Variants in ACER2 observed in about 807,000 individuals in gnomAD.
The protein encoded by ACER2 is alkCDase 2.
Under a neutral mutation model 34.7 loss-of-function variants are expected in ACER2, and 26 were observed. The observed-to-expected ratio is 0.75, with a 90% CI of 0.55 to 1.04. The LOEUF is 1.04. ACER2 is among the 50% of genes least tolerant of loss of function. ACER2 has a pLI of 0.00. For synonymous variants in ACER2, 138 were observed against 132.1 expected (o/e 1.04, Z -0.31); for missense variants, 352 against 340.8 (o/e 1.03, Z -0.26).
chr9:19,436,557 C>G (rs1221595046), intron 4 of ACER2, among the ~76,000 whole-genome samples: 2 of 22,002 alleles, frequency 9.1e-5, no homozygotes, highest in African/African-American at 2.1e-4. Flanking sequence ...AAAAATCTAG[C>G]TGTATTTTTT....
At chr9:19,449,559 C>A (rs943614819) in intron 5 of ACER2, among the ~76,000 whole-genome samples, 6 of 152,042 alleles carry the variant, frequency 3.9e-5, no homozygotes, top group African/African-American at 1.2e-4. Flanking sequence ...TTAAAAAGAT[C>A]CCCTCCTCCC....
intron 3 of ACER2, among the ~76,000 whole-genome samples, chr9:19,427,904 G>A (rs1830620426): frequency 6.6e-6 from 1 of 152,088 alleles, no homozygotes; most frequent in Non-Finnish European, 1.5e-5. Context: ...CTGCCCTTGT[G>A]ATCTGCCCAC....
chr9:19,419,613 A>T (rs1830341018), intron 1 of ACER2, among the ~76,000 whole-genome samples: 1 of 152,086 alleles, frequency 6.6e-6, no homozygotes, highest in South Asian at 2.1e-4. Flanking sequence ...TAAAAATACA[A>T]AAATTAGCCA....
chr9:19,446,133 C>A, intron 4 of ACER2, 148 bp from the exon 5 acceptor site: 1 of 1,106,122 alleles, frequency 9.0e-7, no homozygotes, highest in Non-Finnish European at 1.4e-6. Context: ...ATCCATGAGA[C>A]TGTGGAGTGA....
intron 1 of ACER2, among the ~76,000 whole-genome samples, chr9:19,413,378 C>T (rs943770777): frequency 1.3e-5 from 2 of 152,164 alleles, no homozygotes; most frequent in African/African-American, 4.8e-5. Flanking sequence ...GTGGGAGGAT[C>T]ACTTGAGGTC....
chr9:19,441,931 C>T (rs948509679), intron 4 of ACER2, among the ~76,000 whole-genome samples: 5 of 152,186 alleles, frequency 3.3e-5, no homozygotes, highest in African/African-American at 9.7e-5. Context: ...TCTCACTGCA[C>T]GCTAGTTTGC....
At position 19,409,076 on chromosome 9, in the gene ACER2, G is replaced by C; in HGVS notation, c.-9G>C. 3.2e-6 allele frequency: 5 copies of C among 1,573,104 alleles called. No homozygotes were observed. In the Admixed American group the frequency reaches 9.3e-5, roughly 29 times the overall value. ...GCGCGAGCAGCTGCTCCAATGCCCC[G>C]GAGTGGCCATGGGCGCCCCGCACTG... On this transcript the variant is annotated 5_prime_UTR_variant, in exon 1 of 6. Coordinates refer to ENST00000340967, the MANE Select transcript of ACER2 (RefSeq NM_001010887.3).
At chr9:19,413,686 C>T (rs1352844912) in intron 1 of ACER2, among the ~76,000 whole-genome samples, 1 of 151,998 alleles carries the variant, frequency 6.6e-6, no homozygotes, top group Admixed American at 6.6e-5. Flanking sequence ...CTGCCTTTTA[C>T]CTGAGCTTGG....
chr9:19,416,621 G>A (rs1830248083), intron 1 of ACER2, among the ~76,000 whole-genome samples: 1 of 151,954 alleles, frequency 6.6e-6, no homozygotes, highest in Non-Finnish European at 1.5e-5. Context: ...CGCCTCCCGG[G>A]TCCAAGTGAT....
At chr9:19,435,187 T>C in intron 4 of ACER2, 103 bp downstream of exon 4, 1 of 1,389,058 alleles carries the variant, frequency 7.2e-7, no homozygotes, top group Non-Finnish European at 9.7e-7. Context: ...GTTTTATTCC[T>C]TGTGAAGAGT....
At chr9:19,415,318 T>G (rs1589032944) in intron 1 of ACER2, among the ~76,000 whole-genome samples, 2 of 151,988 alleles carry the variant, frequency 1.3e-5, no homozygotes, top group East Asian at 3.9e-4. Context: ...TGGTGAAACC[T>G]CGTCTCTACT....
rs141700425 is a variant in ACER2 at position 19,435,070 on chromosome 9, C to T, written c.489C>T (p.Ile163=). The change falls in exon 4 of 6, where the codon ATC becomes ATT. Residue 163 remains isoleucine (I), a synonymous_variant. Transcript: ENST00000340967. ...GAGTTCCTTGCACTGCACTGCTCAT[C>T]GCAGAGCTAAAGAGGTAGGTGCCAT... The part of the protein sequence containing the change: ...TLGVPCTALL[I]AELKRCDNMR... 1.0e-4 allele frequency: 167 copies of T among 1,614,010 alleles called. No individual in the cohort carries two copies. Among genetic ancestry groups the T allele is most frequent in the East Asian group, 7.8e-4 (35 of 44,894 alleles).
At chr9:19,446,618 A>G (rs1644125896) in intron 5 of ACER2, 200 bp downstream of exon 5, 16 of 985,456 alleles carry the variant, frequency 1.6e-5, no homozygotes, top group Non-Finnish European at 1.9e-5. Context: ...GAGCAGGCTT[A>G]GCCGGAACGA....
At chr9:19,435,768 A>C (rs1359582850) in intron 4 of ACER2, among the ~76,000 whole-genome samples, 1 of 151,658 alleles carries the variant, frequency 6.6e-6, no homozygotes. Flanking sequence ...GGAAAAAAAA[A>C]GCCGGGCGCA....
At position 19,443,294 on chromosome 9, in the gene ACER2, A is replaced by AGTGCT. The variant is rs1831220108; in HGVS notation, c.504-2985_504-2981dup. 2.0e-5 allele frequency among the ~76,000 whole-genome samples: 3 copies of AGTGCT among 152,068 alleles called. No individual in the cohort carries two copies. The South Asian group carries it at 6.2e-4, about 32-fold the overall frequency. On this transcript the variant is annotated intron_variant, in intron 4 of 5. Transcript: ENST00000340967. ...TGATCCACCTGCTTCAGCCTCCCAA[A>AGTGCT]GTGCTGGGATTACAGGTGTGAGCCA...
chr9:19,448,152 G>C (rs1273464044), intron 5 of ACER2, among the ~76,000 whole-genome samples: 1 of 151,982 alleles, frequency 6.6e-6, no homozygotes, highest in East Asian at 1.9e-4. Context: ...GGGACTACAG[G>C]TGCATGCCAC....
Position 19,436,726 on chromosome 9 carries a change from A to G in ACER2, c.503+1642A>G, listed in dbSNP as rs1031309766. Among the ~76,000 whole-genome samples the G allele has an allele frequency of 2.0e-5, 3 of 152,212 alleles. No individual in the cohort carries two copies. In the East Asian group the frequency reaches 5.8e-4, roughly 29 times the overall value. ...TGTAATTTACTTTTAATTTATTTTAATTAGTCAACACATTTCCTGTTTTTG... is the reference window on the plus strand; with the variant it reads ...TGTAATTTACTTTTAATTTATTTTAGTTAGTCAACACATTTCCTGTTTTTG... On this transcript the variant is annotated intron_variant, in intron 4 of 5. Coordinates refer to ENST00000340967, the MANE Select transcript of ACER2 (RefSeq NM_001010887.3).
At chr9:19,409,484 T>C (rs1447731564) in intron 1 of ACER2, among the ~76,000 whole-genome samples, 1 of 152,184 alleles carries the variant, frequency 6.6e-6, no homozygotes, top group Non-Finnish European at 1.5e-5. Flanking sequence ...GGGGTCTGTG[T>C]CAGCCCATTC....
At chr9:19,432,548 ATATG>A (rs987280236) in intron 3 of ACER2, among the ~76,000 whole-genome samples, 62 of 144,380 alleles carry the variant, frequency 4.3e-4, no homozygotes, top group African/African-American at 1.6e-3. Flanking sequence ...ACCTATATAT[ATATG>A]TGTGTGTGTG....
Sources: gnomAD v4.1 joint callset for allele counts (sites outside exome capture counted in the v4.1 genomes callset) on GRCh38, gnomAD v4.1.1 for gene constraint, MANE v1.5 for transcripts, NCBI Gene and HGNC (gene_info 2026-07-23, HGNC 2026-07-21) for gene names.